The following GRIN2A variants were observed in gnomAD, a reference collection of about 807,000 sequenced individuals.
GRIN2A encodes glutamate ionotropic receptor NMDA type subunit 2A.
A neutral mutation model predicts 113.4 loss-of-function variants in GRIN2A; 22 were observed. The observed-to-expected ratio is 0.19, with a 90% CI of 0.14 to 0.28. GRIN2A has a LOEUF of 0.28. Among genes scored for constraint, GRIN2A ranks in the 10% least tolerant of loss-of-function variants. GRIN2A has a pLI of 1.00. For missense variants in GRIN2A, 1,502 were observed against 1,887.0 expected (o/e 0.80, Z 3.78); for synonymous variants, 827 against 738.4 (o/e 1.12, Z -1.94).
chr16:9,865,646 G>T (rs973014991), intron 4 of GRIN2A, among the ~76,000 whole-genome samples: 3 of 152,146 alleles, frequency 2.0e-5, no homozygotes, highest in Admixed American at 6.5e-5. Flanking sequence ...TAGGTTTTCA[G>T]TTCCTTAGGG....
At chr16:10,178,431 T>C (rs2050193936) in intron 2 of GRIN2A, among the ~76,000 whole-genome samples, 1 of 152,158 alleles carries the variant, frequency 6.6e-6, no homozygotes, top group Admixed American at 6.5e-5. Context: ...CAAATTCCCT[T>C]AACTCCCCTA....
intron 2 of GRIN2A, among the ~76,000 whole-genome samples, chr16:10,114,520 G>A (rs532672606): frequency 6.6e-6 from 1 of 152,302 alleles, no homozygotes; most frequent in East Asian, 1.9e-4. Flanking sequence ...AGAGGGAGGA[G>A]GAAGATGTAT....
intron 2 of GRIN2A, among the ~76,000 whole-genome samples, chr16:10,103,157 CTTT>C (rs148968863): frequency 0.048 from 7,268 of 151,704 alleles, 337 homozygotes; most frequent in African/African-American, 0.12. Flanking sequence ...GCAACAGCAA[CTTT>C]TTTTTTAAGG....
At chr16:10,177,224 C>T (rs1003954335) in intron 2 of GRIN2A, among the ~76,000 whole-genome samples, 1 of 152,206 alleles carries the variant, frequency 6.6e-6, no homozygotes, top group African/African-American at 2.4e-5. Context: ...GGCTGTTCAC[C>T]TCTCAGACAA....
At chr16:9,778,430 CTCAA>C (rs1479132756) in intron 11 of GRIN2A, among the ~76,000 whole-genome samples, 1 of 152,222 alleles carries the variant, frequency 6.6e-6, no homozygotes, top group Non-Finnish European at 1.5e-5. Context: ...TGCATATTTT[CTCAA>C]TCAATAGTCC....
At chr16:10,136,653 A>G (rs2049197165) in intron 2 of GRIN2A, among the ~76,000 whole-genome samples, 1 of 152,208 alleles carries the variant, frequency 6.6e-6, no homozygotes, top group South Asian at 2.1e-4. Flanking sequence ...ATTTTGGATG[A>G]ATTTATCTGT....
intron 2 of GRIN2A, among the ~76,000 whole-genome samples, chr16:10,176,198 T>C (rs2050144836): frequency 6.6e-6 from 1 of 151,760 alleles, no homozygotes; most frequent in South Asian, 2.1e-4. Context: ...AGAGATGGGG[T>C]TTAAGCATGT....
intron 2 of GRIN2A, among the ~76,000 whole-genome samples, chr16:9,942,573 C>G (rs564941679): frequency 6.6e-6 from 1 of 152,252 alleles, no homozygotes; most frequent in African/African-American, 2.4e-5. Context: ...CATCCTCGGT[C>G]CTACAGACCA....
At chr16:9,920,463 A>G (rs1044797984) in intron 3 of GRIN2A, among the ~76,000 whole-genome samples, 19 of 152,218 alleles carry the variant, frequency 1.2e-4, no homozygotes, top group African/African-American at 3.6e-4. Flanking sequence ...AACTCAAGTA[A>G]ATAGCTAAGA....
At chr16:9,945,136 C>A (rs1020296410) in intron 2 of GRIN2A, among the ~76,000 whole-genome samples, 2 of 152,042 alleles carry the variant, frequency 1.3e-5, no homozygotes, top group Non-Finnish European at 2.9e-5. Flanking sequence ...GTCTGGCCAA[C>A]CCCAGAGTAA....
At chr16:10,060,402 A>C (rs1003712019) in intron 2 of GRIN2A, among the ~76,000 whole-genome samples, 1 of 152,188 alleles carries the variant, frequency 6.6e-6, no homozygotes, top group East Asian at 1.9e-4. Flanking sequence ...TAGATAAGAA[A>C]ATTAAGGCTC....
intron 3 of GRIN2A, among the ~76,000 whole-genome samples, chr16:9,892,159 A>T (rs1372739330): frequency 6.6e-6 from 1 of 152,128 alleles, no homozygotes; most frequent in Non-Finnish European, 1.5e-5. Flanking sequence ...TGAACCCGGG[A>T]AGCAGAAGTC....
At chr16:9,992,801 G>A (rs1237371310) in intron 2 of GRIN2A, among the ~76,000 whole-genome samples, 2 of 152,072 alleles carry the variant, frequency 1.3e-5, no homozygotes, top group East Asian at 1.9e-4. Flanking sequence ...TATGTAAATC[G>A]GTGCATAACA....
intron 2 of GRIN2A, among the ~76,000 whole-genome samples, chr16:9,989,699 T>A (rs1388250957): frequency 6.6e-6 from 1 of 151,556 alleles, no homozygotes; most frequent in East Asian, 1.9e-4. Context: ...AAAAAACAAA[T>A]AACTCCATTA....
intron 12 of GRIN2A, among the ~76,000 whole-genome samples, chr16:9,766,557 C>T (rs1411672334): frequency 6.6e-6 from 1 of 152,066 alleles, no homozygotes; most frequent in South Asian, 2.1e-4. Flanking sequence ...TCTGTGGTCT[C>T]CTTCTATATA....
intron 2 of GRIN2A, among the ~76,000 whole-genome samples, chr16:10,014,303 T>A (rs1476449289): frequency 6.6e-6 from 1 of 152,244 alleles, no homozygotes; most frequent in Admixed American, 6.5e-5. Context: ...AAGACCAGTA[T>A]GTATGTCTCT....
intron 8 of GRIN2A, among the ~76,000 whole-genome samples, chr16:9,831,143 G>A (rs192473013): frequency 6.6e-6 from 1 of 152,300 alleles, no homozygotes; most frequent in Non-Finnish European, 1.5e-5. Flanking sequence ...CAGCAGATGA[G>A]CTGGAAACAG....
At chr16:10,172,919 C>T (rs1408459753) in intron 2 of GRIN2A, among the ~76,000 whole-genome samples, 1 of 152,206 alleles carries the variant, frequency 6.6e-6, no homozygotes, top group Non-Finnish European at 1.5e-5. Flanking sequence ...TGTTTCTCTT[C>T]TGCACAGCCC....
chr16:10,138,428 A>G (rs139897623), intron 2 of GRIN2A, among the ~76,000 whole-genome samples: 1 of 152,214 alleles, frequency 6.6e-6, no homozygotes, highest in Middle Eastern at 3.2e-3. Context: ...AGCGAGGAAC[A>G]TCTCACACAG....
Sources: allele counts gnomAD v4.1 joint callset (sites outside exome capture counted in the v4.1 genomes callset), GRCh38; gene constraint gnomAD v4.1.1; transcripts MANE v1.5; gene names NCBI Gene and HGNC (gene_info 2026-07-23, HGNC 2026-07-21).